Variants in EPHX4 observed in about 807,000 individuals in gnomAD.
EPHX4 encodes the protein epoxide hydrolase 4.
EPHX4 carries 31 observed loss-of-function variants against 44.9 expected under a neutral mutation model. The ratio of observed to expected loss-of-function variants is 0.69; its 90% CI spans 0.52 to 0.93. The LOEUF (loss-of-function observed/expected upper bound fraction) is 0.93. Ranked by LOEUF, EPHX4 falls within the 40% of genes least tolerant of loss-of-function variation. The probability of loss-of-function intolerance (pLI) is 0.00; values close to 1 mark genes in which losing one functional copy is unlikely to be tolerated. For synonymous variants in EPHX4, 151 were observed against 159.7 expected, an observed-to-expected ratio of 0.95 and a Z score of 0.41; for missense variants, 373 against 438.1, an observed-to-expected ratio of 0.85 and a Z score of 1.33.
chr1:92,053,128 A>T (rs1647296097), intron 6 of EPHX4, among the ~76,000 whole-genome samples: 1 of 152,234 alleles, frequency 6.6e-6, no homozygotes, highest in Non-Finnish European at 1.5e-5. Context: ...AATAGTTATA[A>T]ACTAACAGAA....
chr1:92,062,584 CAAAAAAAAAA>C (rs1167530513), intron 6 of EPHX4, among the ~76,000 whole-genome samples: 45 of 20,102 alleles, frequency 2.2e-3, no homozygotes, highest in African/African-American at 5.4e-3. Context: ...AACTCCATCT[CAAAAAAAAAA>C]AAAAAAAAAA....
chr1:92,030,210 G>T lies in EPHX4; in HGVS notation c.131G>T (p.Gly44Val), dbSNP rs765877867. Residue 44 changes from glycine to valine, a missense_variant, in exon 1 of 7, where the codon GGC becomes GTC. By Grantham distance (109) the Gly-to-Val change is moderately radical (BLOSUM62 -3). Transcript: ENST00000370383. ...IHLLKLLWSL[G>V]KGPAQTFRRP... ...CTGCTCAAACTTTTGTGGAGCCTCGGCAAGGGGCCGGCGCAGACCTTCCGG... is the reference window on the plus strand; with the variant it reads ...CTGCTCAAACTTTTGTGGAGCCTCGTCAAGGGGCCGGCGCAGACCTTCCGG... The T allele has an allele frequency of 6.2e-7, 1 of 1,606,780 alleles. No individual in the cohort carries two copies. Among genetic ancestry groups the T allele is most frequent in the African/African-American group, 1.3e-5 (1 of 74,732 alleles).
intron 3 of EPHX4, 126 bp downstream of exon 3, chr1:92,043,106 A>G (rs1459432076): frequency 5.1e-6 from 4 of 783,034 alleles, no homozygotes; most frequent in African/African-American, 3.5e-5. Context: ...TCCTGTCACT[A>G]TGGTTTCAGT....
At chr1:92,032,887 C>T (rs1178771249) in intron 2 of EPHX4, among the ~76,000 whole-genome samples, 1 of 152,138 alleles carries the variant, frequency 6.6e-6, no homozygotes, top group Non-Finnish European at 1.5e-5. Context: ...CATGACCTAA[C>T]CACCTCTTAA....
At position 92,063,091 on chromosome 1, in the gene EPHX4, A is replaced by G. The variant is rs1387429146; in HGVS notation, c.894A>G (p.Pro298=). 1.3e-5 allele frequency: 21 copies of G among 1,614,100 alleles called. No homozygotes were observed. Among genetic ancestry groups the G allele is most frequent in the Non-Finnish European group, 1.7e-5 (20 of 1,179,998 alleles). The part of the protein sequence containing the change: ...LPLKHHMVTT[P]TLLLWGENDA... ...TCAAACATCACATGGTGACCACTCC[A>G]ACACTACTACTGTGGGGAGAGAATG... The change falls in exon 7 of 7, where the codon CCA becomes CCG. Residue 298 remains proline (P), a synonymous_variant. Coordinates refer to ENST00000370383, the MANE Select transcript of EPHX4 (RefSeq NM_173567.5).
intron 6 of EPHX4, among the ~76,000 whole-genome samples, chr1:92,057,139 C>A (rs1570697616): frequency 6.6e-6 from 1 of 151,852 alleles, no homozygotes; most frequent in East Asian, 1.9e-4. Context: ...AGAAAAAGAA[C>A]ATGTAAACAA....
At chr1:92,041,333 GTTGTT>G (rs1688504924) in intron 2 of EPHX4, among the ~76,000 whole-genome samples, 1 of 152,096 alleles carries the variant, frequency 6.6e-6, no homozygotes, top group African/African-American at 2.4e-5. Context: ...ATCTTAAATG[GTTGTT>G]TTATTATTAG....
chr1:92,059,468 G>A (rs1647443604), intron 6 of EPHX4, among the ~76,000 whole-genome samples: 1 of 151,866 alleles, frequency 6.6e-6, no homozygotes, highest in African/African-American at 2.4e-5. Context: ...TACTATAACT[G>A]CTTCTATTCA....
intron 6 of EPHX4, among the ~76,000 whole-genome samples, chr1:92,061,861 T>A (rs1001747007): frequency 6.6e-6 from 1 of 152,200 alleles, no homozygotes; most frequent in Non-Finnish European, 1.5e-5. Context: ...ATTACCCTTT[T>A]GATAATGGAA....
Position 92,032,609 on chromosome 1 carries a change from A to G in EPHX4, c.317+19A>G, listed in dbSNP as rs371174975. The G allele has an allele frequency of 1.3e-6, 2 of 1,598,294 alleles. No individual in the cohort carries two copies. The highest frequency in any genetic ancestry group is 1.7e-6 in the Non-Finnish European group (2 of 1,165,818). ...AATTCTGGTAAGCTTACCAACTAACATTTATTGTTACATTAAAACTTGGCT... is the reference window on the plus strand; with the variant it reads ...AATTCTGGTAAGCTTACCAACTAACGTTTATTGTTACATTAAAACTTGGCT... On this transcript the variant is annotated intron_variant, in intron 2 of 6. Transcript: ENST00000370383.
chr1:92,053,072 C>T (rs1647295263), intron 6 of EPHX4, among the ~76,000 whole-genome samples: 1 of 151,908 alleles, frequency 6.6e-6, no homozygotes, highest in Non-Finnish European at 1.5e-5. Flanking sequence ...AACTTGTAGC[C>T]TAATAGGGAA....
At chr1:92,060,670 G>T (rs1282497098) in intron 6 of EPHX4, among the ~76,000 whole-genome samples, 1 of 151,906 alleles carries the variant, frequency 6.6e-6, no homozygotes, top group Non-Finnish European at 1.5e-5. Context: ...TGTAATCCCA[G>T]CACTTTGGGA....
At chr1:92,037,352 T>C (rs955028967) in intron 2 of EPHX4, among the ~76,000 whole-genome samples, 3 of 152,204 alleles carry the variant, frequency 2.0e-5, no homozygotes, top group African/African-American at 7.2e-5. Context: ...TACAATTAGC[T>C]GTTACACAGC....
intron 4 of EPHX4, among the ~76,000 whole-genome samples, chr1:92,048,411 A>G (rs908761445): frequency 1.3e-5 from 2 of 152,196 alleles, no homozygotes; most frequent in African/African-American, 4.8e-5. Flanking sequence ...AAATACTTGG[A>G]ATATTTCTGG....
At chr1:92,062,584 CAAAAAA>C (rs1167530513) in intron 6 of EPHX4, among the ~76,000 whole-genome samples, 1 of 20,100 alleles carries the variant, frequency 5.0e-5, no homozygotes, top group Admixed American at 5.4e-4. Flanking sequence ...AACTCCATCT[CAAAAAA>C]AAAAAAAAAA....
At position 92,040,898 on chromosome 1, in the gene EPHX4, A is replaced by G. The variant is rs374552043; in HGVS notation, c.318-1925A>G. ...TGCGTTAGCTTGCCTACTGCACTCC[A>G]AAAGTATTTTCAGACAATGATCTCC... is the stretch of plus-strand genomic sequence containing the variant. On this transcript the variant is annotated intron_variant, in intron 2 of 6. Transcript: ENST00000370383. Among the ~76,000 whole-genome samples, 6 of 152,238 alleles carry G rather than the reference A, an allele frequency of 3.9e-5. 1 individual carries two copies. The highest frequency in any genetic ancestry group is 1.4e-4 in the African/African-American group (6 of 41,546).
chr1:92,060,990 C>A (rs575521947), intron 6 of EPHX4, among the ~76,000 whole-genome samples: 1 of 152,052 alleles, frequency 6.6e-6, no homozygotes, highest in South Asian at 2.1e-4. Context: ...AAGCGATTCT[C>A]CTGCCTCAGC....
At chr1:92,037,037 T>G (rs535303832) in intron 2 of EPHX4, among the ~76,000 whole-genome samples, 3 of 152,320 alleles carry the variant, frequency 2.0e-5, no homozygotes, top group Admixed American at 1.3e-4. Flanking sequence ...TCTTTTTTAT[T>G]TTTTTCATTT....
chr1:92,052,372 T>G, intron 5 of EPHX4, 138 bp from the exon 6 acceptor site: 1 of 739,898 alleles, frequency 1.4e-6, no homozygotes. Flanking sequence ...GTATAAACAA[T>G]GAGATCTCAA....
Sources: allele counts gnomAD v4.1 joint callset (sites outside exome capture counted in the v4.1 genomes callset), GRCh38; gene constraint gnomAD v4.1.1; transcripts MANE v1.5; gene names NCBI Gene and HGNC (gene_info 2026-07-23, HGNC 2026-07-21).